Variants in COL25A1 observed in about 807,000 individuals in gnomAD.
The protein encoded by COL25A1 is collagen type XXV alpha 1 chain.
In COL25A1, 103 loss-of-function variants were observed where a neutral mutation model predicts 128.4. The ratio of observed to expected loss-of-function variants is 0.80; its 90% confidence interval spans 0.68 to 0.94. COL25A1 has a LOEUF of 0.94. COL25A1 is among the 40% of genes least tolerant of loss of function. The probability of loss-of-function intolerance (pLI) is 0.00; values close to 1 mark genes in which losing one functional copy is unlikely to be tolerated. For missense variants in COL25A1, 745 were observed against 840.0 expected, an observed-to-expected ratio of 0.89 and a Z score of 1.40; for synonymous variants, 279 against 277.2, an observed-to-expected ratio of 1.01 and a Z score of -0.06.
chr4:109,197,704 A>AACACCTTACT (rs1776237398), intron 3 of COL25A1, among the ~76,000 whole-genome samples: 2 of 151,212 alleles, frequency 1.3e-5, no homozygotes, highest in South Asian at 2.1e-4. Context: ...ATACCAAGCC[A>AACACCTTACT]ACACCTTACT....
intron 13 of COL25A1, among the ~76,000 whole-genome samples, chr4:108,908,471 C>T (rs116646178): frequency 0.01 from 1,590 of 152,144 alleles, 28 homozygotes; most frequent in African/African-American, 0.035. Flanking sequence ...TTTATCATTC[C>T]GGGAAGCAGA....
intron 24 of COL25A1, among the ~76,000 whole-genome samples, chr4:108,855,383 T>A (rs951823927): frequency 2.7e-5 from 4 of 150,758 alleles, no homozygotes; most frequent in African/African-American, 7.3e-5. Context: ...AGCTACTTTT[T>A]TTTTGTTGTT....
intron 3 of COL25A1, among the ~76,000 whole-genome samples, chr4:109,155,881 A>G (rs1310182439): frequency 6.6e-6 from 1 of 152,218 alleles, no homozygotes; most frequent in African/African-American, 2.4e-5. Flanking sequence ...ACAAAAGGCA[A>G]AGCAAAGAGA....
intron 26 of COL25A1, among the ~76,000 whole-genome samples, chr4:108,849,949 G>C (rs1030490253): frequency 6.6e-6 from 1 of 152,096 alleles, no homozygotes; most frequent in East Asian, 1.9e-4. Context: ...AAAGCGGCGG[G>C]GGAAGGGCCT....
intron 10 of COL25A1, among the ~76,000 whole-genome samples, chr4:108,939,236 C>T (rs1403404713): frequency 6.6e-6 from 1 of 152,180 alleles, no homozygotes; most frequent in Non-Finnish European, 1.5e-5. Flanking sequence ...TTAAATATCC[C>T]TAAAGCTGTG....
At chr4:109,071,211 T>G (rs2125982951) in intron 3 of COL25A1, among the ~76,000 whole-genome samples, 1 of 152,256 alleles carries the variant, frequency 6.6e-6, no homozygotes, top group Non-Finnish European at 1.5e-5. Context: ...ATTCCCTATT[T>G]AATAAATGGT....
intron 19 of COL25A1, among the ~76,000 whole-genome samples, chr4:108,870,498 T>G (rs1261815479): frequency 6.6e-6 from 1 of 151,244 alleles, no homozygotes; most frequent in Non-Finnish European, 1.5e-5. Flanking sequence ...GGTTTACTGC[T>G]TGCACATTTT....
chr4:109,191,400 C>T (rs542600827), intron 3 of COL25A1, among the ~76,000 whole-genome samples: 1 of 152,252 alleles, frequency 6.6e-6, no homozygotes, highest in East Asian at 1.9e-4. Context: ...GTGTGCCATA[C>T]AGATTTGGTA....
rs1734859223 is a variant in COL25A1, at chr4:108,844,566, T to C, written c.1582A>G (p.Ile528Val). ...GMPGPQGPSI[I>V]GPPGPPGPHG... is the part of the protein sequence containing the mutation. ...GGACCTGGTGGGCCTGGTGGGCCTA[T>C]GATCTGTATGTCCAAAAAATAAAAA... The change falls in exon 30 of 38, where the codon ATA becomes GTA. Residue 528 changes from isoleucine to valine, a missense_variant. By Grantham distance (29) the Ile-to-Val change is conservative. This residue lies in a region of COL25A1 where 387 missense variants were observed against 441.9 expected (regional missense o/e 0.88). Coordinates refer to ENST00000399132, the MANE Select transcript of COL25A1 (RefSeq NM_198721.4). 2 of 1,610,286 alleles carry C rather than the reference T, an allele frequency of 1.2e-6. No homozygotes were observed. Among genetic ancestry groups the C allele is most frequent in the Non-Finnish European group, 1.7e-6 (2 of 1,179,050 alleles).
intron 5 of COL25A1, among the ~76,000 whole-genome samples, chr4:109,022,945 A>G (rs367819506): frequency 3.2e-4 from 49 of 152,270 alleles, no homozygotes; most frequent in Middle Eastern, 3.4e-3. Flanking sequence ...CTAATCAACC[A>G]CTCAGAGAAC....
At chr4:108,952,160 A>AG (rs1177216185) in intron 8 of COL25A1, among the ~76,000 whole-genome samples, 1 of 152,218 alleles carries the variant, frequency 6.6e-6, no homozygotes, top group Non-Finnish European at 1.5e-5. Flanking sequence ...AATTTATACC[A>AG]GTTTGTAGTA....
intron 16 of COL25A1, among the ~76,000 whole-genome samples, chr4:108,891,326 T>C (rs1177605538): frequency 6.6e-6 from 1 of 152,188 alleles, no homozygotes; most frequent in Non-Finnish European, 1.5e-5. Flanking sequence ...AATTAAAATG[T>C]AACTAAACAT....
intron 5 of COL25A1, among the ~76,000 whole-genome samples, chr4:109,014,296 C>T (rs1199681237): frequency 7.7e-6 from 1 of 129,434 alleles, no homozygotes; most frequent in Non-Finnish European, 1.5e-5. Flanking sequence ...TATAGAGTGA[C>T]ACTCTGTCTC....
chr4:109,176,749 A>G (rs1453731068), intron 3 of COL25A1, among the ~76,000 whole-genome samples: 2 of 152,218 alleles, frequency 1.3e-5, no homozygotes, highest in Non-Finnish European at 2.9e-5. Context: ...CCTCAAATTC[A>G]AAGACAAGTT....
At chr4:109,163,480 A>T (rs554870245) in intron 3 of COL25A1, among the ~76,000 whole-genome samples, 1 of 152,372 alleles carries the variant, frequency 6.6e-6, no homozygotes, top group South Asian at 2.1e-4. Context: ...AAAGAGAGGT[A>T]GGTTAGCAAC....
At chr4:108,875,332 C>T (rs1159340831) in intron 19 of COL25A1, among the ~76,000 whole-genome samples, 1 of 152,106 alleles carries the variant, frequency 6.6e-6, no homozygotes, top group East Asian at 1.9e-4. Context: ...GGCTAATATG[C>T]AGAATCTACA....
chr4:109,301,033 G>A (rs939251978), intron 2 of COL25A1, among the ~76,000 whole-genome samples: 21 of 152,096 alleles, frequency 1.4e-4, no homozygotes. Context: ...TATTTATCAT[G>A]CTAGGCTGCA....
chr4:108,969,452 C>T (rs1006283806), intron 8 of COL25A1, among the ~76,000 whole-genome samples: 4 of 152,208 alleles, frequency 2.6e-5, no homozygotes, highest in Admixed American at 1.3e-4. Context: ...ATTGAATCAA[C>T]AGTAACACCA....
intron 16 of COL25A1, among the ~76,000 whole-genome samples, chr4:108,896,399 C>T (rs184136005): frequency 2.6e-3 from 397 of 152,228 alleles, no homozygotes; most frequent in Non-Finnish European, 4.5e-3. Flanking sequence ...CCTTGAAAGC[C>T]ATATTACTGA....
Sources: gnomAD v4.1 joint callset for allele counts (sites outside exome capture counted in the v4.1 genomes callset) on GRCh38, gnomAD v4.1.1 for gene constraint, gnomAD v4.1.1 regional missense constraint, MANE v1.5 for transcripts, NCBI Gene and HGNC (gene_info 2026-07-23, HGNC 2026-07-21) for gene names.